Variants in EEIG2 observed in about 807,000 individuals in gnomAD.
The protein encoded by EEIG2 is EEIG family member 2.
the EEIG2 span, among the ~76,000 whole-genome samples, chr1:108,607,230 A>G: frequency 1.3e-5 from 2 of 152,218 alleles, no homozygotes; most frequent in Non-Finnish European, 2.9e-5. Flanking sequence ...CCCCTCCTGG[A>G]CACCAGGTGG....
At chr1:108,560,682 T>G in the EEIG2 span, 1 of 1,227,722 alleles carries the variant, frequency 8.1e-7, no homozygotes, top group East Asian at 2.7e-5. Flanking sequence ...CTAAAATCAG[T>G]CGAATTTATT....
At chr1:108,606,986 A>G in the EEIG2 span, among the ~76,000 whole-genome samples, 92 of 152,260 alleles carry the variant, frequency 6.0e-4, no homozygotes, top group African/African-American at 2.1e-3. Flanking sequence ...TTTAACTTCC[A>G]TATCTACCAA....
the EEIG2 span, among the ~76,000 whole-genome samples, chr1:108,588,479 ACTT>A: frequency 1.3e-5 from 2 of 152,094 alleles, no homozygotes; most frequent in Non-Finnish European, 2.9e-5. Context: ...CTTTTCACAT[ACTT>A]CTTGGCCATT....
the EEIG2 span, among the ~76,000 whole-genome samples, chr1:108,615,813 T>G: frequency 6.6e-6 from 1 of 151,244 alleles, no homozygotes; most frequent in African/African-American, 2.4e-5. Flanking sequence ...AAGTTTTAAA[T>G]TCTGATCTAA....
the EEIG2 span, among the ~76,000 whole-genome samples, chr1:108,607,905 C>G: frequency 1.3e-5 from 2 of 152,208 alleles, no homozygotes; most frequent in African/African-American, 4.8e-5. Context: ...CTCCCTCCAT[C>G]CTCCATATTA....
chr1:108,583,303 C>G, the EEIG2 span, among the ~76,000 whole-genome samples: 1 of 151,996 alleles, frequency 6.6e-6, no homozygotes, highest in Non-Finnish European at 1.5e-5. Context: ...CACCACCACA[C>G]CTGCTAATAT....
the EEIG2 span, among the ~76,000 whole-genome samples, chr1:108,619,793 G>A: frequency 1.3e-5 from 2 of 152,214 alleles, no homozygotes; most frequent in Non-Finnish European, 2.9e-5. Context: ...AGGAGTCTGA[G>A]GTGGGAGGAT....
the EEIG2 span, among the ~76,000 whole-genome samples, chr1:108,588,492 T>A: frequency 6.6e-6 from 1 of 152,168 alleles, no homozygotes; most frequent in Non-Finnish European, 1.5e-5. Flanking sequence ...TCTTGGCCAT[T>A]TGTATGTCTT....
At chr1:108,584,051 T>G in the EEIG2 span, among the ~76,000 whole-genome samples, 19 of 152,128 alleles carry the variant, frequency 1.2e-4, no homozygotes, top group South Asian at 3.7e-3. Context: ...AATGGAGTTG[T>G]AGGAACAGAA....
At chr1:108,593,607 C>T in the EEIG2 span, among the ~76,000 whole-genome samples, 4 of 152,226 alleles carry the variant, frequency 2.6e-5, no homozygotes, top group African/African-American at 9.6e-5. Context: ...TTGCCACATA[C>T]GCTCCTGGGC....
chr1:108,572,548 A>G, the EEIG2 span, among the ~76,000 whole-genome samples: 1 of 152,120 alleles, frequency 6.6e-6, no homozygotes, highest in African/African-American at 2.4e-5. Context: ...TCACTGCCCT[A>G]AAAATCTTGT....
chr1:108,630,590 AG>A, the EEIG2 span, among the ~76,000 whole-genome samples: 1 of 152,252 alleles, frequency 6.6e-6, no homozygotes, highest in Non-Finnish European at 1.5e-5. Context: ...AAAAAAGAAA[AG>A]TTCTGAAAAA....
At chr1:108,621,184 T>C in the EEIG2 span, among the ~76,000 whole-genome samples, 2 of 152,194 alleles carry the variant, frequency 1.3e-5, no homozygotes, top group African/African-American at 4.8e-5. Flanking sequence ...AGTAATCCCA[T>C]TTCTTTTTCT....
At chr1:108,573,440 A>T in the EEIG2 span, among the ~76,000 whole-genome samples, 273 of 152,268 alleles carry the variant, frequency 1.8e-3, 1 homozygote, top group Non-Finnish European at 2.9e-3. Context: ...AAACTACAGT[A>T]CCTCATATAG....
At chr1:108,606,098 G>A in the EEIG2 span, 10 of 509,948 alleles carry the variant, frequency 2.0e-5, no homozygotes, top group South Asian at 7.3e-5. Flanking sequence ...ATTTAAGATC[G>A]TCAGAATTTT....
At chr1:108,579,772 TGA>T in the EEIG2 span, among the ~76,000 whole-genome samples, 559 of 58,872 alleles carry the variant, frequency 9.5e-3, 7 homozygotes, top group African/African-American at 0.032. Context: ...TGTGTGTGTG[TGA>T]GAGAGAGAGA....
At chr1:108,607,271 AC>A in the EEIG2 span, among the ~76,000 whole-genome samples, 1 of 152,160 alleles carries the variant, frequency 6.6e-6, no homozygotes, top group Non-Finnish European at 1.5e-5. Context: ...CAACACATTC[AC>A]GTATGACAAA....
chr1:108,624,329 G>A, the EEIG2 span, among the ~76,000 whole-genome samples: 1 of 151,666 alleles, frequency 6.6e-6, no homozygotes, highest in Non-Finnish European at 1.5e-5. Flanking sequence ...GCTGTCCTGA[G>A]TTGACAGTTA....
chr1:108,598,517 T>C, the EEIG2 span, among the ~76,000 whole-genome samples: 4 of 152,064 alleles, frequency 2.6e-5, no homozygotes, highest in Non-Finnish European at 5.9e-5. Flanking sequence ...ATAACACTTA[T>C]CTCGCCTGCA....
Sources: gnomAD v4.1 joint callset for allele counts (sites outside exome capture counted in the v4.1 genomes callset) on GRCh38, gnomAD v4.1.1 for gene constraint, MANE v1.5 for transcripts, NCBI Gene and HGNC (gene_info 2026-07-23, HGNC 2026-07-21) for gene names.